Variants in LRP1B observed in about 807,000 individuals in gnomAD.
LRP1B encodes LDL receptor related protein 1B.
A neutral mutation model predicts 556.6 loss-of-function variants in LRP1B; 217 were observed. The observed-to-expected ratio is 0.39, with a 90% CI of 0.35 to 0.44. The LOEUF (loss-of-function observed/expected upper bound fraction) is 0.44. Among genes scored for constraint, LRP1B ranks in the 20% least tolerant of loss-of-function variants. The probability of loss-of-function intolerance (pLI) is 1.00; values close to 1 mark genes in which losing one functional copy is unlikely to be tolerated. For missense variants in LRP1B, 5,053 were observed against 5,620.8 expected, an observed-to-expected ratio of 0.90 and a Z score of 3.23; for synonymous variants, 2,047 against 1,865.8, an observed-to-expected ratio of 1.10 and a Z score of -2.50.
chr2:140,989,475 T>A, intron 17 of LRP1B, 57 bp downstream of exon 17: 2 of 1,599,692 alleles, frequency 1.3e-6, no homozygotes, highest in Non-Finnish European at 1.7e-6. Flanking sequence ...TTTACTTGCA[T>A]TTTTATTAAG....
chr2:141,206,551 C>T lies in LRP1B; in HGVS notation c.851-17968G>A, dbSNP rs549592839. Among the ~76,000 whole-genome samples the T allele has an allele frequency of 1.4e-4, 22 of 151,902 alleles. No individual in the cohort carries two copies. In the South Asian group the frequency reaches 4.6e-3, roughly 32 times the overall value. On this transcript the variant is annotated intron_variant, in intron 6 of 90. Transcript: ENST00000389484. Reference sequence around the variant, plus strand: ...GCAGTGAGCCGAGATCGTGCCACTGCACTCCAGCCTGGGCGACAGAGCAAG... The same window carrying T: ...GCAGTGAGCCGAGATCGTGCCACTGTACTCCAGCCTGGGCGACAGAGCAAG...
At chr2:141,339,119 C>A (rs1382419688) in intron 3 of LRP1B, among the ~76,000 whole-genome samples, 2 of 152,078 alleles carry the variant, frequency 1.3e-5, no homozygotes, top group African/African-American at 4.8e-5. Flanking sequence ...TTTCCCTGAA[C>A]TCCAGGCTAA....
intron 41 of LRP1B, among the ~76,000 whole-genome samples, chr2:140,687,937 T>C (rs1686107284): frequency 1.3e-5 from 2 of 152,256 alleles, no homozygotes; most frequent in South Asian, 2.1e-4. Flanking sequence ...CCCTCAAAGA[T>C]CTATTTATAA....
At chr2:141,261,202 C>A (rs140710499) in intron 3 of LRP1B, among the ~76,000 whole-genome samples, 1 of 152,090 alleles carries the variant, frequency 6.6e-6, no homozygotes, top group Non-Finnish European at 1.5e-5. Flanking sequence ...GAGATCAGGC[C>A]GTTGCTTATG....
intron 7 of LRP1B, among the ~76,000 whole-genome samples, chr2:141,076,548 C>T (rs1699791732): frequency 6.6e-6 from 1 of 152,158 alleles, no homozygotes; most frequent in African/African-American, 2.4e-5. Context: ...ATAAAATATT[C>T]ATTTACTATT....
intron 79 of LRP1B, among the ~76,000 whole-genome samples, chr2:140,330,464 C>G (rs951466196): frequency 6.7e-6 from 1 of 150,348 alleles, no homozygotes; most frequent in Admixed American, 6.6e-5. Flanking sequence ...CAAAAACAAG[C>G]AATGGGGAAA....
At chr2:141,884,141 C>T (rs925518669) in intron 1 of LRP1B, among the ~76,000 whole-genome samples, 1 of 152,008 alleles carries the variant, frequency 6.6e-6, no homozygotes, top group African/African-American at 2.4e-5. Context: ...TTGGGTGGCC[C>T]AGGTGGGAGG....
At position 141,057,386 on chromosome 2, in the gene LRP1B, T is replaced by C. The variant is rs1048840339; in HGVS notation, c.1408+1497A>G. Among the ~76,000 whole-genome samples, 12 of 151,970 alleles carry C rather than the reference T, an allele frequency of 7.9e-5. No individual in the cohort carries two copies. The South Asian group carries it at 1.0e-3, about 13-fold the overall frequency. On this transcript the variant is annotated intron_variant, in intron 9 of 90. Transcript: ENST00000389484. ...TGCCACTCCTTGAACAGTCTAGACA[T>C]GTTCTCTCCTCATGGCTTTTGTGCT...
chr2:141,646,505 A>G (rs2105372425), intron 2 of LRP1B, among the ~76,000 whole-genome samples: 1 of 152,260 alleles, frequency 6.6e-6, no homozygotes, highest in African/African-American at 2.4e-5. Context: ...CGATGAGTTA[A>G]TCAATTCATT....
At chr2:140,270,609 T>TG (rs1195955592) in intron 85 of LRP1B, among the ~76,000 whole-genome samples, 1 of 151,952 alleles carries the variant, frequency 6.6e-6, no homozygotes, top group African/African-American at 2.4e-5. Flanking sequence ...TAGATATATG[T>TG]GTGAAAAAAT....
At chr2:140,663,713 T>C (rs1685173727) in intron 41 of LRP1B, among the ~76,000 whole-genome samples, 1 of 152,184 alleles carries the variant, frequency 6.6e-6, no homozygotes, top group Non-Finnish European at 1.5e-5. Context: ...TTCTTATCAT[T>C]CGTGTGTTCA....
intron 1 of LRP1B, among the ~76,000 whole-genome samples, chr2:141,957,198 C>T (rs1215569223): frequency 6.6e-6 from 1 of 151,902 alleles, no homozygotes; most frequent in Non-Finnish European, 1.5e-5. Flanking sequence ...ATCAAGAAAT[C>T]TGGGCTTGGT....
intron 84 of LRP1B, among the ~76,000 whole-genome samples, chr2:140,287,382 G>T (rs2104978920): frequency 6.6e-6 from 1 of 151,598 alleles, no homozygotes; most frequent in South Asian, 2.1e-4. Context: ...CTTAATTCTT[G>T]TCCTGAGATG....
intron 60 of LRP1B, among the ~76,000 whole-genome samples, chr2:140,465,485 AG>A (rs1314984370): frequency 1.3e-5 from 2 of 152,202 alleles, no homozygotes; most frequent in African/African-American, 4.8e-5. Context: ...AATGAATAGA[AG>A]CCCTATTCTA....
intron 2 of LRP1B, among the ~76,000 whole-genome samples, chr2:141,759,917 G>A (rs148530057): frequency 6.6e-6 from 1 of 152,128 alleles, no homozygotes; most frequent in Non-Finnish European, 1.5e-5. Flanking sequence ...GATCACCTGA[G>A]GTCAGGAGTT....
intron 1 of LRP1B, among the ~76,000 whole-genome samples, chr2:141,880,685 T>C (rs1310617934): frequency 6.6e-6 from 1 of 152,082 alleles, no homozygotes; most frequent in Non-Finnish European, 1.5e-5. Context: ...TGAAATGTTA[T>C]GTCATTTTCA....
chr2:141,825,009 C>G (rs778593163), intron 1 of LRP1B, among the ~76,000 whole-genome samples: 4 of 152,110 alleles, frequency 2.6e-5, no homozygotes, highest in Non-Finnish European at 5.9e-5. Context: ...CTCCTGCCAC[C>G]TTGTGAAGAA....
intron 1 of LRP1B, among the ~76,000 whole-genome samples, chr2:141,928,891 A>G (rs953860896): frequency 6.6e-6 from 1 of 152,110 alleles, no homozygotes; most frequent in African/African-American, 2.4e-5. Flanking sequence ...CAACTTCACT[A>G]TAGACCTTTA....
At chr2:142,015,560 G>T (rs1703093493) in intron 1 of LRP1B, among the ~76,000 whole-genome samples, 1 of 152,096 alleles carries the variant, frequency 6.6e-6, no homozygotes, top group Admixed American at 6.6e-5. Context: ...CACAACAAAA[G>T]AAACCATCAT....
Sources: allele counts gnomAD v4.1 joint callset (sites outside exome capture counted in the v4.1 genomes callset), GRCh38; gene constraint gnomAD v4.1.1; transcripts MANE v1.5; gene names NCBI Gene and HGNC (gene_info 2026-07-23, HGNC 2026-07-21).